Variants in ZNF207 observed in about 807,000 individuals in gnomAD.
The protein encoded by ZNF207 is zinc finger protein 207.
In ZNF207, 24 loss-of-function variants were observed where a neutral mutation model predicts 60.2. The ratio of observed to expected loss-of-function variants is 0.40; its 90% confidence interval spans 0.29 to 0.56. The LOEUF is 0.56. Ranked by LOEUF, ZNF207 falls within the 20% of genes least tolerant of loss-of-function variation. ZNF207 has a pLI of 0.49. For synonymous variants in ZNF207, 236 were observed against 194.7 expected (o/e 1.21, Z -1.77); for missense variants, 452 against 636.6 (o/e 0.71, Z 3.12).
At chr17:32,353,164 ACTCTGTCT>A (rs1904312100) in intron 2 of ZNF207, among the ~76,000 whole-genome samples, 2 of 151,726 alleles carry the variant, frequency 1.3e-5, no homozygotes, top group South Asian at 2.1e-4. Flanking sequence ...ACAGGGTGAG[ACTCTGTCT>A]CAATAATAAT....
rs549761216 is a variant in ZNF207 at position 32,375,952 on chromosome 17, C to T, written c.*6193C>T. On this transcript the variant is annotated 3_prime_UTR_variant, in exon 12 of 12. Coordinates refer to ENST00000394670, the MANE Select transcript of ZNF207 (RefSeq NM_001098507.2). ...GTAAAGTTTACTCCTTTTTAGAAAC[C>T]CTTTCTCAGTATTTTAATTTCTGTC... is the stretch of plus-strand genomic sequence containing the variant. The T allele has an allele frequency of 9.9e-5, 15 of 152,080 alleles. No individual in the cohort carries two copies. The East Asian group carries it at 1.9e-3, about 20-fold the overall frequency. The allele number at this position is 152,080 out of a possible 1,614,324, so 9.4% of individuals were successfully genotyped here.
intron 10 of ZNF207, chr17:32,368,690 C>CAA (rs56261296): frequency 2.4e-4 from 27 of 113,082 alleles, no homozygotes; most frequent in South Asian, 2.8e-4. Flanking sequence ...GACTCCATCT[C>CAA]AAAAAAAAAA....
intron 2 of ZNF207, among the ~76,000 whole-genome samples, chr17:32,355,713 A>C (rs1284781810): frequency 6.6e-6 from 1 of 152,224 alleles, no homozygotes; most frequent in Non-Finnish European, 1.5e-5. Flanking sequence ...TTTGAAGGTC[A>C]GGAGATTAAA....
rs1367871458 is a variant in ZNF207, at chr17:32,378,416, G to A, written c.*8657G>A. 2.6e-5 allele frequency: 4 copies of A among 152,116 alleles called. No homozygotes were observed. In the South Asian group the frequency reaches 8.3e-4, roughly 31 times the overall value. 9.4% of individuals were successfully genotyped at this position (152,116 alleles called of 1,614,324 possible). A position where few individuals can be genotyped will look rare whatever the true frequency, so the allele number is the denominator to read the frequency against. On this transcript the variant is annotated 3_prime_UTR_variant, in exon 12 of 12. Transcript: ENST00000394670. ...TCCTCACATCTAGAAATGATAAATG[G>A]TGTACAGTCATAAGCTAGAATATGT...
At chr17:32,365,552 A>G in intron 8 of ZNF207, 65 bp downstream of exon 8, 2 of 1,436,788 alleles carry the variant, frequency 1.4e-6, no homozygotes, top group Non-Finnish European at 1.8e-6. Context: ...TGTTTACAGA[A>G]GTCTTTGAAA....
chr17:32,358,170 G>A (rs1007267170), intron 2 of ZNF207, among the ~76,000 whole-genome samples: 8 of 152,182 alleles, frequency 5.3e-5, no homozygotes, highest in Non-Finnish European at 1.2e-4. Flanking sequence ...ACTAGTTACT[G>A]CTAATAATTG....
chr17:32,379,046 A>C lies in ZNF207; in HGVS notation c.*9287A>C, dbSNP rs1905783120. The C allele has an allele frequency of 6.6e-6, 1 of 152,120 alleles. No homozygotes were observed. The highest frequency in any genetic ancestry group is 2.4e-5 in the African/African-American group (1 of 41,454). 9.4% of individuals were successfully genotyped at this position (152,120 alleles called of 1,614,324 possible). On this transcript the variant is annotated 3_prime_UTR_variant, in exon 12 of 12. Coordinates refer to ENST00000394670, the MANE Select transcript of ZNF207 (RefSeq NM_001098507.2). ...TAAATTTTAAAACATGGATTTATCA[A>C]CTGATAATAAAATATATCTTACAAG...
At chr17:32,360,360 G>GA (rs1387522778) in intron 3 of ZNF207, among the ~76,000 whole-genome samples, 4 of 151,874 alleles carry the variant, frequency 2.6e-5, no homozygotes, top group Admixed American at 1.3e-4. Context: ...AAATTTAAAA[G>GA]AAAAAATACT....
chr17:32,371,059 G>A lies in ZNF207; in HGVS notation c.*1300G>A, dbSNP rs958290135. 6.6e-6 allele frequency: 1 copy of A among 152,168 alleles called. No homozygotes were observed. Among genetic ancestry groups the A allele is most frequent in the Non-Finnish European group, 1.5e-5 (1 of 68,026 alleles). 9.4% of individuals were successfully genotyped at this position (152,168 alleles called of 1,614,324 possible). ...TTACAGAGAGCTTTTCTGTAGAGAT[G>A]ACTGCTATTCAATATTTTGTGTTGC... On this transcript the variant is annotated 3_prime_UTR_variant, in exon 12 of 12. Coordinates refer to ENST00000394670, the MANE Select transcript of ZNF207 (RefSeq NM_001098507.2).
intron 8 of ZNF207, 115 bp downstream of exon 8, chr17:32,365,602 ATTAT>A (rs1481362558): frequency 3.2e-6 from 3 of 938,126 alleles, no homozygotes; most frequent in South Asian, 2.8e-5. Flanking sequence ...TATTTTTAAT[ATTAT>A]TTATTAAATA....
Position 32,366,760 on chromosome 17 carries a change from A to G in ZNF207, c.921+3A>G. 1 of 1,597,964 alleles carries G rather than the reference A, an allele frequency of 6.3e-7. No homozygotes were observed. Among genetic ancestry groups the G allele is most frequent in the Non-Finnish European group, 8.5e-7 (1 of 1,173,864 alleles). On this transcript the variant is annotated splice_donor_region_variant and intron_variant, in intron 9 of 11. Coordinates refer to ENST00000394670, the MANE Select transcript of ZNF207 (RefSeq NM_001098507.2). Reference sequence around the variant, plus strand: ...CTCTGTTTCCTAGCACAGCACAAGTACGCAGGAAGTTGCAGTTTAAAATTG... The same window carrying G: ...CTCTGTTTCCTAGCACAGCACAAGTGCGCAGGAAGTTGCAGTTTAAAATTG...
chr17:32,356,219 C>T (rs1231203794), intron 2 of ZNF207, among the ~76,000 whole-genome samples: 3 of 152,150 alleles, frequency 2.0e-5, no homozygotes, highest in African/African-American at 4.8e-5. Context: ...CTTTGCTTGG[C>T]AGGGTCCCAA....
intron 2 of ZNF207, among the ~76,000 whole-genome samples, chr17:32,355,272 C>G (rs1904440626): frequency 6.6e-6 from 1 of 152,116 alleles, no homozygotes; most frequent in Admixed American, 6.5e-5. Context: ...TGCCTGTGTC[C>G]CAGCTACTCA....
chr17:32,366,742 T>G lies in ZNF207; in HGVS notation c.906T>G (p.Phe302Leu), dbSNP rs1385107641. 3 of 1,608,880 alleles carry G rather than the reference T, an allele frequency of 1.9e-6. No homozygotes were observed. Among genetic ancestry groups the G allele is most frequent in the Non-Finnish European group, 2.5e-6 (3 of 1,178,168 alleles). Reference sequence around the variant, plus strand: ...TGTCTGCATCTTCTAAAGCTCTGTTTCCTAGCACAGCACAAGTACGCAGGA... The same window carrying G: ...TGTCTGCATCTTCTAAAGCTCTGTTGCCTAGCACAGCACAAGTACGCAGGA... ...ESLSASSKAL[F>L]PSTAQAQAAV... The change falls in exon 9 of 12, where the codon TTT becomes TTG. Residue 302 changes from phenylalanine (F) to leucine (L), a missense_variant. By Grantham distance (22) the Phe-to-Leu change is conservative. Transcript: ENST00000394670.
chr17:32,369,382 A>T lies in ZNF207; in HGVS notation c.1252A>T (p.Ile418Phe). The T allele has an allele frequency of 6.2e-7, 1 of 1,614,156 alleles. No individual in the cohort carries two copies. The highest frequency in any genetic ancestry group is 2.2e-5 in the East Asian group (1 of 44,882). Reference sequence around the variant, plus strand: ...CATCGGTAATCCACCAGTTGGACCAATTGGAGGTATGATGCCACCACAGCC... The same window carrying T: ...CATCGGTAATCCACCAGTTGGACCATTTGGAGGTATGATGCCACCACAGCC... The part of the protein sequence containing the change: ...APIGNPPVGP[I>F]GGMMPPQPGI... Residue 418 changes from isoleucine to phenylalanine, a missense_variant, in exon 11 of 12, where the codon ATT becomes TTT. Coordinates refer to ENST00000394670, the MANE Select transcript of ZNF207 (RefSeq NM_001098507.2).
chr17:32,357,009 A>G (rs543214556), intron 2 of ZNF207, among the ~76,000 whole-genome samples: 4 of 151,968 alleles, frequency 2.6e-5, no homozygotes, highest in African/African-American at 9.7e-5. Flanking sequence ...TAACAAAACT[A>G]CCTCGCCACA....
Position 32,371,434 on chromosome 17 carries a change from A to G in ZNF207, c.*1675A>G, listed in dbSNP as rs750965619. ...TACCTTTAAGCAAAACATTGCAAGTATTATAAAGCTGAATGCTATTTTAAC... is the reference window on the plus strand; with the variant it reads ...TACCTTTAAGCAAAACATTGCAAGTGTTATAAAGCTGAATGCTATTTTAAC... On this transcript the variant is annotated 3_prime_UTR_variant, in exon 12 of 12. Transcript: ENST00000394670. The G allele has an allele frequency of 6.6e-6, 1 of 152,132 alleles. No individual in the cohort carries two copies. The highest frequency in any genetic ancestry group is 1.5e-5 in the Non-Finnish European group (1 of 68,022). The allele number at this position is 152,132 out of a possible 1,614,324, so 9.4% of individuals were successfully genotyped here.
rs1905750035 is a variant in ZNF207 at position 32,378,283 on chromosome 17, T to G, written c.*8524T>G. The G allele has an allele frequency of 6.6e-6, 1 of 151,958 alleles. No individual in the cohort carries two copies. Among genetic ancestry groups the G allele is most frequent in the Non-Finnish European group, 1.5e-5 (1 of 67,880 alleles). 9.4% of individuals were successfully genotyped at this position (151,958 alleles called of 1,614,324 possible). A position where few individuals can be genotyped will look rare whatever the true frequency, so the allele number is the denominator to read the frequency against. On this transcript the variant is annotated 3_prime_UTR_variant, in exon 12 of 12. Coordinates refer to ENST00000394670, the MANE Select transcript of ZNF207 (RefSeq NM_001098507.2). ...GCCCTTGTTGATAGATGATATGGAG[T>G]CCAGGGCTTTGGGTCCAGGGTCTTT...
chr17:32,369,561 A>G (rs780997504), intron 11 of ZNF207, 38 bp from the exon 12 acceptor site: 2 of 1,570,150 alleles, frequency 1.3e-6, no homozygotes, highest in South Asian at 1.2e-5. Context: ...CAATGCGTTA[A>G]CAATCTATTT....
Sources: gnomAD v4.1 joint callset for allele counts (sites outside exome capture counted in the v4.1 genomes callset) on GRCh38, gnomAD v4.1.1 for gene constraint, MANE v1.5 for transcripts, NCBI Gene and HGNC (gene_info 2026-07-23, HGNC 2026-07-21) for gene names.